The following DEDD2 variants were observed in gnomAD, a reference collection of about 807,000 sequenced individuals.
DEDD2 encodes the protein DNA-binding death effector domain-containing protein 2.
A neutral mutation model predicts 28.9 loss-of-function variants in DEDD2; 18 were observed. That is an observed-to-expected ratio of 0.62 (90% CI 0.43 to 0.92). The LOEUF is 0.92. Among genes scored for constraint, DEDD2 ranks in the 40% least tolerant of loss-of-function variants. The pLI is 0.00. For synonymous variants in DEDD2, 211 were observed against 206.1 expected, an observed-to-expected ratio of 1.02 and a Z score of -0.20; for missense variants, 411 against 463.3, an observed-to-expected ratio of 0.89 and a Z score of 1.04.
intron 3 of DEDD2, among the ~76,000 whole-genome samples, chr19:42,213,263 G>T (rs1206641095): frequency 6.6e-6 from 1 of 152,114 alleles, no homozygotes; most frequent in East Asian, 1.9e-4. Flanking sequence ...AATACCTCTT[G>T]AAAGAGAAAG....
At chr19:42,215,709 G>A (rs1306089417) in intron 2 of DEDD2, among the ~76,000 whole-genome samples, 9 of 152,116 alleles carry the variant, frequency 5.9e-5, no homozygotes, top group South Asian at 2.1e-4. Flanking sequence ...CTGGGTCAGG[G>A]AAGGCCATAA....
rs1330271167 is a variant in DEDD2 at position 42,214,996 on chromosome 19, A to AG, written c.448+136_448+137insC. ...TGCTTCAGAACAGAGTATCTGTAGCAATAAACACACACACACACACACACA... is the reference window on the plus strand; with the variant it reads ...TGCTTCAGAACAGAGTATCTGTAGCAGATAAACACACACACACACACACACA... On this transcript the variant is annotated intron_variant, in intron 3 of 4. Transcript: ENST00000596251. The AG allele has an allele frequency of 3.2e-6, 4 of 1,243,758 alleles. No homozygotes were observed. In the South Asian group the frequency reaches 5.9e-5, roughly 18 times the overall value. 77.0% of individuals were successfully genotyped at this position (1,243,758 alleles called of 1,614,324 possible). A position where few individuals can be genotyped will look rare whatever the true frequency, so the allele number is the denominator to read the frequency against.
At chr19:42,216,607 G>A in intron 2 of DEDD2, 73 bp downstream of exon 2, 1 of 1,435,480 alleles carries the variant, frequency 7.0e-7, no homozygotes, top group Non-Finnish European at 9.2e-7. Context: ...TCCGTATCAG[G>A]GCACCAGGGA....
chr19:42,210,227 T>C (rs2035700334), intron 3 of DEDD2, among the ~76,000 whole-genome samples: 1 of 151,852 alleles, frequency 6.6e-6, no homozygotes, highest in Admixed American at 6.6e-5. Flanking sequence ...TTTAAGGAAA[T>C]AAAGCAAGAT....
At chr19:42,213,319 T>C (rs1018734928) in intron 3 of DEDD2, among the ~76,000 whole-genome samples, 1 of 152,128 alleles carries the variant, frequency 6.6e-6, no homozygotes, top group African/African-American at 2.4e-5. Context: ...CAAACACCAA[T>C]GTGATAACTG....
intron 3 of DEDD2, among the ~76,000 whole-genome samples, chr19:42,214,402 G>A (rs552481244): frequency 6.6e-6 from 1 of 152,244 alleles, no homozygotes; most frequent in South Asian, 2.1e-4. Context: ...AGGTTGCAGT[G>A]AGCCGAGATT....
At chr19:42,217,165 C>A in intron 1 of DEDD2, 120 bp from the exon 2 acceptor site, 1 of 716,710 alleles carries the variant, frequency 1.4e-6, no homozygotes. Flanking sequence ...CACCCCCAAC[C>A]GCCTCGGCCT....
rs2035654383 is a variant in DEDD2 at position 42,209,275 on chromosome 19, GCAGAGAGGTTCAATTACTGGCCTGAGGT to G, written c.589+397_589+424del. Among the ~76,000 whole-genome samples, 7 of 152,184 alleles carry G rather than the reference GCAGAGAGGTTCAATTACTGGCCTGAGGT, an allele frequency of 4.6e-5. No individual in the cohort carries two copies. The South Asian group carries it at 1.5e-3, about 32-fold the overall frequency. The stretch of plus-strand genomic sequence containing the variant: ...AGAAAAGAAAAGAAACGAAACTGAG[GCAGAGAGGTTCAATTACTGGCCTGAGGT>G]CAGACAACTTATTTAAGTGCCAAGA... On this transcript the variant is annotated intron_variant, in intron 4 of 4. Coordinates refer to ENST00000596251, the MANE Select transcript of DEDD2 (RefSeq NM_133328.4).
chr19:42,210,791 C>A (rs1364508816), intron 3 of DEDD2, among the ~76,000 whole-genome samples: 1 of 151,974 alleles, frequency 6.6e-6, no homozygotes. Flanking sequence ...ATAGGCCGCA[C>A]ACGGTGTGGC....
chr19:42,213,412 A>C (rs1312461017), intron 3 of DEDD2, among the ~76,000 whole-genome samples: 1 of 152,220 alleles, frequency 6.6e-6, no homozygotes. Context: ...CACCCCATAG[A>C]CTGTTTACTA....
chr19:42,213,207 G>C (rs1259432940), intron 3 of DEDD2, among the ~76,000 whole-genome samples: 1 of 152,212 alleles, frequency 6.6e-6, no homozygotes, highest in African/African-American at 2.4e-5. Flanking sequence ...TCAGTAAATA[G>C]TGTATGGGTC....
chr19:42,206,506 G>T (rs1463756426), intron 4 of DEDD2, among the ~76,000 whole-genome samples: 1 of 152,138 alleles, frequency 6.6e-6, no homozygotes, highest in Non-Finnish European at 1.5e-5. Flanking sequence ...CCAAGTTTCA[G>T]CCAAGCTCTG....
intron 4 of DEDD2, among the ~76,000 whole-genome samples, chr19:42,200,538 A>G (rs1430766419): frequency 6.6e-6 from 1 of 152,216 alleles, no homozygotes; most frequent in Non-Finnish European, 1.5e-5. Context: ...GGTCCTGACC[A>G]GGCCCGGGAG....
intron 4 of DEDD2, chr19:42,201,675 C>T (rs2035336516): frequency 7.7e-6 from 2 of 259,232 alleles, no homozygotes; most frequent in Non-Finnish European, 1.5e-5. Context: ...GACAACTTCA[C>T]AGCCCTGCCC....
At chr19:42,204,763 C>T (rs1346484551) in intron 4 of DEDD2, among the ~76,000 whole-genome samples, 8 of 150,768 alleles carry the variant, frequency 5.3e-5, no homozygotes, top group East Asian at 1.9e-4. Context: ...ACCCCCGCCC[C>T]GCCCCCACAC....
At chr19:42,203,976 T>G (rs1258583207) in intron 4 of DEDD2, among the ~76,000 whole-genome samples, 1 of 152,172 alleles carries the variant, frequency 6.6e-6, no homozygotes, top group Non-Finnish European at 1.5e-5. Context: ...TTGGCAGCTG[T>G]GGGGAAAAGT....
upstream of DEDD2, among the ~76,000 whole-genome samples, chr19:42,218,218 A>C: frequency 6.6e-6 from 1 of 152,096 alleles, no homozygotes; most frequent in Non-Finnish European, 1.5e-5. Flanking sequence ...CGTGATCCCA[A>C]ATGGAAATCC....
chr19:42,213,442 C>G (rs2035843406), intron 3 of DEDD2, among the ~76,000 whole-genome samples: 1 of 152,106 alleles, frequency 6.6e-6, no homozygotes, highest in African/African-American at 2.4e-5. Flanking sequence ...ACTAAATGTC[C>G]CTTCACAATG....
At chr19:42,203,733 G>A (rs1382781856) in intron 4 of DEDD2, among the ~76,000 whole-genome samples, 1 of 152,258 alleles carries the variant, frequency 6.6e-6, no homozygotes, top group Non-Finnish European at 1.5e-5. Context: ...GAGAGGACAG[G>A]AGGCAGGACC....
Sources: allele counts gnomAD v4.1 joint callset (sites outside exome capture counted in the v4.1 genomes callset), GRCh38; gene constraint gnomAD v4.1.1; transcripts MANE v1.5; gene names NCBI Gene and HGNC (gene_info 2026-07-23, HGNC 2026-07-21).